PCDHGA3: variants seen among roughly 807,000 people sequenced by gnomAD.
The protein encoded by PCDHGA3 is protocadherin gamma-A3.
PCDHGA3 carries 40 observed loss-of-function variants against 58.5 expected under a neutral mutation model. The ratio of observed to expected loss-of-function variants is 0.68; its 90% confidence interval spans 0.53 to 0.89. The LOEUF is 0.89. Ranked by LOEUF, PCDHGA3 falls within the 40% of genes least tolerant of loss-of-function variation. The probability of loss-of-function intolerance (pLI) is 0.00; values close to 1 mark genes in which losing one functional copy is unlikely to be tolerated. For synonymous variants in PCDHGA3, 530 were observed against 525.7 expected, an observed-to-expected ratio of 1.01 and a Z score of -0.11; for missense variants, 1,223 against 1,195.9, an observed-to-expected ratio of 1.02 and a Z score of -0.33.
Position 141,453,292 on chromosome 5 carries a change from T to A in PCDHGA3, c.2425-41515T>A, listed in dbSNP as rs141563552. The stretch of plus-strand genomic sequence containing the variant: ...CCATGACTGGCTAATTTTTTAATTA[T>A]TTATTTATTTATTTATTTATTTTAG... On this transcript the variant is annotated intron_variant, in intron 1 of 3. Transcript: ENST00000253812. Among the ~76,000 whole-genome samples, 253 of 151,810 alleles carry A rather than the reference T, an allele frequency of 1.7e-3. 1 individual carries two copies. The highest frequency in any genetic ancestry group is 2.6e-3 in the Non-Finnish European group (178 of 67,938).
chr5:141,374,837 C>T (rs1240795815), intron 1 of PCDHGA3: 1 of 1,613,766 alleles, frequency 6.2e-7, no homozygotes, highest in Non-Finnish European at 8.5e-7. Flanking sequence ...TGTAAGTGTT[C>T]CTGAAAACCT....
chr5:141,494,251 G>C (rs961451413), intron 1 of PCDHGA3, among the ~76,000 whole-genome samples: 2 of 152,214 alleles, frequency 1.3e-5, no homozygotes, highest in African/African-American at 4.8e-5. Context: ...TTAGCTGTGG[G>C]AAGAGATTCT....
At chr5:141,421,283 T>G (rs2096560959) in intron 1 of PCDHGA3, 4 of 1,612,952 alleles carry the variant, frequency 2.5e-6, no homozygotes, top group Non-Finnish European at 3.4e-6. Flanking sequence ...CTGCTGTGCA[T>G]TTTCCTGGGG....
At chr5:141,443,760 T>C (rs894568340) in intron 1 of PCDHGA3, among the ~76,000 whole-genome samples, 20 of 152,040 alleles carry the variant, frequency 1.3e-4, no homozygotes, top group African/African-American at 4.6e-4. Context: ...AAGCTTACAA[T>C]ATACAATATT....
intron 1 of PCDHGA3, chr5:141,416,038 G>T: frequency 5.1e-6 from 1 of 196,894 alleles, no homozygotes; most frequent in Non-Finnish European, 1.0e-5. Flanking sequence ...AATCACCTCT[G>T]GAAACACAAC....
intron 1 of PCDHGA3, chr5:141,411,163 C>T (rs1001422146): frequency 6.6e-6 from 1 of 152,132 alleles, no homozygotes; most frequent in African/African-American, 2.4e-5. Context: ...TTCTGACTAT[C>T]GAACAGAAGC....
At chr5:141,353,833 C>G (rs143341635) in intron 1 of PCDHGA3, among the ~76,000 whole-genome samples, 2 of 152,274 alleles carry the variant, frequency 1.3e-5, no homozygotes, top group African/African-American at 2.4e-5. Flanking sequence ...TTTGTGCGGT[C>G]TTTGAGGATT....
chr5:141,483,436 C>T, intron 1 of PCDHGA3, among the ~76,000 whole-genome samples: 1 of 152,198 alleles, frequency 6.6e-6, no homozygotes, highest in Non-Finnish European at 1.5e-5. Context: ...GAGCTGACTA[C>T]AATAAAATCA....
chr5:141,448,851 A>T (rs1374003271), intron 1 of PCDHGA3, among the ~76,000 whole-genome samples: 1 of 152,124 alleles, frequency 6.6e-6, no homozygotes, highest in Admixed American at 6.5e-5. Context: ...AGGCTGAGGC[A>T]GGAGAATGGC....
chr5:141,372,510 G>A, intron 1 of PCDHGA3: 1 of 1,613,998 alleles, frequency 6.2e-7, no homozygotes, highest in South Asian at 1.1e-5. Context: ...CTTCCTCCTC[G>A]CGGTGATTCT....
intron 1 of PCDHGA3, chr5:141,383,710 G>A (rs1388027066): frequency 1.4e-5 from 22 of 1,613,874 alleles, no homozygotes; most frequent in Non-Finnish European, 1.9e-5. Flanking sequence ...CGACCTGGAC[G>A]AGGGAGTCAA....
At chr5:141,394,693 G>A (rs1310404999) in intron 1 of PCDHGA3, 33 of 1,612,890 alleles carry the variant, frequency 2.0e-5, no homozygotes, top group Non-Finnish European at 2.8e-5. Context: ...GGCGAGGTGC[G>A]CACGGCGCGA....
Position 141,490,975 on chromosome 5 carries a change from C to T in PCDHGA3, c.2425-3832C>T. 1 of 1,614,056 alleles carries T rather than the reference C, an allele frequency of 6.2e-7. No individual in the cohort carries two copies. Among genetic ancestry groups the T allele is most frequent in the African/African-American group, 1.3e-5 (1 of 75,070 alleles). ...CTGGGAACACTCAGCCCCCCAGCGT[C>T]TCCCTCGCTCTGCTCCTCCTGGCTC... On this transcript the variant is annotated intron_variant, in intron 1 of 3. Coordinates refer to ENST00000253812, the MANE Select transcript of PCDHGA3 (RefSeq NM_018916.4). This position sits in a 1 kb window ranked among gnomAD's most constrained non-coding sequence, Gnocchi z 5.4.
intron 3 of PCDHGA3, among the ~76,000 whole-genome samples, chr5:141,505,766 C>T (rs1420683619): frequency 2.0e-5 from 3 of 151,768 alleles, no homozygotes; most frequent in African/African-American, 4.8e-5. Context: ...CAGTGTAGCT[C>T]AGGTCCTAGC....
chr5:141,371,628 C>G (rs1247615659), intron 1 of PCDHGA3: 1 of 1,614,006 alleles, frequency 6.2e-7, no homozygotes, highest in Non-Finnish European at 8.5e-7. Flanking sequence ...AGCCCTGGAC[C>G]GGGAGCAGAT....
At chr5:141,426,937 C>T in intron 1 of PCDHGA3, 1 of 456,736 alleles carries the variant, frequency 2.2e-6, no homozygotes, top group Non-Finnish European at 4.4e-6. Flanking sequence ...ATGGGTGACC[C>T]AGTCCCAACT....
Position 141,421,056 on chromosome 5 carries a change from A to G in PCDHGA3, c.2425-73751A>G, listed in dbSNP as rs1378326708. On this transcript the variant is annotated intron_variant, in intron 1 of 3. Coordinates refer to ENST00000253812, the MANE Select transcript of PCDHGA3 (RefSeq NM_018916.4). ...TCCCTCCCTCCCCCGCCTCTACCACACAAAGCGGAATGAGATGGATACTCA... is the reference window on the plus strand; with the variant it reads ...TCCCTCCCTCCCCCGCCTCTACCACGCAAAGCGGAATGAGATGGATACTCA... 5 of 576,490 alleles carry G rather than the reference A, an allele frequency of 8.7e-6. No individual in the cohort carries two copies. In the East Asian group the frequency reaches 9.2e-5, roughly 11 times the overall value. The allele number at this position is 576,490 out of a possible 1,614,324, so 35.7% of individuals were successfully genotyped here. A position where few individuals can be genotyped will look rare whatever the true frequency, so the allele number is the denominator to read the frequency against.
At chr5:141,407,956 A>G (rs2095008608) in intron 1 of PCDHGA3, 1 of 645,868 alleles carries the variant, frequency 1.5e-6, no homozygotes, top group African/African-American at 1.8e-5. Flanking sequence ...CGGCCAGTGC[A>G]GAGCAAGCGC....
At chr5:141,409,227 A>G (rs2095244126) in intron 1 of PCDHGA3, 1 of 1,613,922 alleles carries the variant, frequency 6.2e-7, no homozygotes, top group African/African-American at 1.3e-5. Flanking sequence ...GATGAAAACG[A>G]CAACAGCCCA....
Sources: allele counts gnomAD v4.1 joint callset (sites outside exome capture counted in the v4.1 genomes callset), GRCh38; gene constraint gnomAD v4.1.1; non-coding constraint Gnocchi (gnomAD v3.1); transcripts MANE v1.5; gene names NCBI Gene and HGNC (gene_info 2026-07-23, HGNC 2026-07-21).